BBOX1: variants seen among roughly 807,000 people sequenced by gnomAD.
The protein encoded by BBOX1 is gamma-butyrobetaine dioxygenase.
In BBOX1, 35 loss-of-function variants were observed where a neutral mutation model predicts 41.6. The ratio of observed to expected loss-of-function variants is 0.84; its 90% CI spans 0.64 to 1.11. The LOEUF (loss-of-function observed/expected upper bound fraction) is 1.11, where lower values mean the gene tolerates loss of function less well. Among genes scored for constraint, BBOX1 ranks in the 50% most tolerant of loss-of-function variants. The pLI, the probability that BBOX1 is intolerant of heterozygous loss-of-function variation, is 0.00. For synonymous variants in BBOX1, 163 were observed against 154.7 expected, an observed-to-expected ratio of 1.05 and a Z score of -0.40; for missense variants, 458 against 460.6, an observed-to-expected ratio of 0.99 and a Z score of 0.05.
intron 4 of BBOX1, among the ~76,000 whole-genome samples, chr11:27,076,820 C>A (rs1331914770): frequency 1.2e-4 from 18 of 152,146 alleles, no homozygotes; most frequent in African/African-American, 4.3e-4. Context: ...GCTGTCTCTG[C>A]TGCACTGAAG....
intron 4 of BBOX1, among the ~76,000 whole-genome samples, chr11:27,089,184 A>G (rs1858147864): frequency 3.1e-5 from 1 of 31,922 alleles, no homozygotes; most frequent in Non-Finnish European, 5.9e-5. Context: ...ATGGCTATTT[A>G]TTTAAATTAA....
At position 27,122,053 on chromosome 11, in the gene BBOX1, A is replaced by C. The variant is rs547010511; in HGVS notation, c.836+2208A>C. Among the ~76,000 whole-genome samples the C allele has an allele frequency of 4.6e-5, 7 of 152,308 alleles. No homozygotes were observed. The South Asian group carries it at 1.2e-3, about 27-fold the overall frequency. ...TTTTCAACAACAGGAAATGAAACAG[A>C]GCGTTCTCAGTTAACAGAGGGCCTC... On this transcript the variant is annotated intron_variant, in intron 7 of 8. Coordinates refer to ENST00000263182, the MANE Select transcript of BBOX1 (RefSeq NM_003986.3).
chr11:27,082,094 A>T (rs1857860577), intron 4 of BBOX1, among the ~76,000 whole-genome samples: 1 of 152,110 alleles, frequency 6.6e-6, no homozygotes, highest in Non-Finnish European at 1.5e-5. Flanking sequence ...CACTATTGTG[A>T]GGACAGCACC....
At chr11:27,105,611 T>G (rs1238849387) in intron 5 of BBOX1, among the ~76,000 whole-genome samples, 7 of 152,120 alleles carry the variant, frequency 4.6e-5, no homozygotes, top group Non-Finnish European at 7.4e-5. Flanking sequence ...CCAAATCTAC[T>G]TCTGATTGGG....
chr11:27,077,598 G>A (rs1339593047), intron 4 of BBOX1, among the ~76,000 whole-genome samples: 1 of 132,946 alleles, frequency 7.5e-6, no homozygotes, highest in Non-Finnish European at 1.5e-5. Context: ...TACTAACAAT[G>A]TCTCCAATCC....
chr11:27,123,933 T>C (rs1859554488), intron 7 of BBOX1, among the ~76,000 whole-genome samples: 1 of 152,174 alleles, frequency 6.6e-6, no homozygotes, highest in African/African-American at 2.4e-5. Flanking sequence ...GTTCCTTCCT[T>C]TTACTTCTTT....
At position 27,082,262 on chromosome 11, in the gene BBOX1, A is replaced by G. The variant is rs543405455; in HGVS notation, c.335-10906A>G. On this transcript the variant is annotated intron_variant, in intron 4 of 8. Coordinates refer to ENST00000263182, the MANE Select transcript of BBOX1 (RefSeq NM_003986.3). ...TCTCTATTCTGCAATTCTGGAGCAC[A>G]CAGAATTAGGGTTTAAAAGGTATAT... 7.2e-5 allele frequency among the ~76,000 whole-genome samples: 11 copies of G among 152,232 alleles called. No homozygotes were observed. In the South Asian group the frequency reaches 8.3e-4, roughly 11 times the overall value.
intron 5 of BBOX1, among the ~76,000 whole-genome samples, chr11:27,100,984 A>G (rs16916541): frequency 0.012 from 1,806 of 152,178 alleles, 34 homozygotes; most frequent in African/African-American, 0.04. Flanking sequence ...TATTGAGCTC[A>G]GCAGTTTACA....
chr11:27,117,178 A>G (rs7939156), intron 6 of BBOX1, among the ~76,000 whole-genome samples: 152,015 of 152,070 alleles, frequency 1, 75,980 homozygotes, highest in Non-Finnish European at 1. Flanking sequence ...ATAGAAACCT[A>G]TATCTTCAAA....
chr11:27,111,962 T>A (rs1859083034), intron 5 of BBOX1, among the ~76,000 whole-genome samples: 1 of 151,878 alleles, frequency 6.6e-6, no homozygotes, highest in South Asian at 2.1e-4. Context: ...TGTACAAACA[T>A]CAAAAAAGAA....
chr11:27,043,557 T>C (rs1280840942), intron 2 of BBOX1, among the ~76,000 whole-genome samples: 1 of 149,920 alleles, frequency 6.7e-6, no homozygotes, highest in Non-Finnish European at 1.5e-5. Context: ...TCTTGACTAA[T>C]TGCCCTAGCA....
rs571690541 is a variant in BBOX1, at chr11:27,088,100, T to C, written c.335-5068T>C. Among the ~76,000 whole-genome samples the C allele has an allele frequency of 4.6e-5, 7 of 152,090 alleles. No homozygotes were observed. The South Asian group carries it at 1.0e-3, about 23-fold the overall frequency. ...TATAGGTGAGTGTGTGTGGGTGCTA[T>C]TTTATAATGGAAAAAAAAGCTCATA... On this transcript the variant is annotated intron_variant, in intron 4 of 8. Transcript: ENST00000263182.
chr11:27,075,798 G>A (rs1857612796), intron 4 of BBOX1, among the ~76,000 whole-genome samples: 1 of 152,180 alleles, frequency 6.6e-6, no homozygotes, highest in Non-Finnish European at 1.5e-5. Context: ...TTCCAGAAAG[G>A]CTGCCTATAG....
chr11:27,124,764 C>T (rs761918527), intron 7 of BBOX1, among the ~76,000 whole-genome samples: 10 of 152,150 alleles, frequency 6.6e-5, no homozygotes, highest in Non-Finnish European at 1.3e-4. Flanking sequence ...TCAACTGCCT[C>T]GCCCACCTTG....
chr11:27,119,794 T>C lies in BBOX1; in HGVS notation c.785T>C (p.Ile262Thr), dbSNP rs150426701. 1 of 1,591,034 alleles carries C rather than the reference T, an allele frequency of 6.3e-7. No individual in the cohort carries two copies. Residue 262 changes from isoleucine (I) to threonine (T), a missense_variant, in exon 7 of 9, where the codon ATT becomes ACT. Physicochemically the swap from Ile to Thr is moderately conservative, Grantham distance 89. Coordinates refer to ENST00000263182, the MANE Select transcript of BBOX1 (RefSeq NM_003986.3). ...TCTACCTTTGTGGACTTTACAGACA[T>C]TGGAGTGGATTACTGTGATTTTTCT... ...LSSTFVDFTD[I>T]GVDYCDFSVQ...
At chr11:27,094,358 C>T (rs1858360068) in intron 5 of BBOX1, among the ~76,000 whole-genome samples, 1 of 151,904 alleles carries the variant, frequency 6.6e-6, no homozygotes, top group African/African-American at 2.4e-5. Flanking sequence ...TGAAAGGGAC[C>T]TTCCAACTCC....
chr11:27,085,974 C>T, intron 4 of BBOX1, among the ~76,000 whole-genome samples: 1 of 152,232 alleles, frequency 6.6e-6, no homozygotes, highest in East Asian at 1.9e-4. Flanking sequence ...TAATTCAGAG[C>T]AAGGCCCTAA....
At chr11:27,107,377 C>A (rs1343114517) in intron 5 of BBOX1, among the ~76,000 whole-genome samples, 1 of 151,836 alleles carries the variant, frequency 6.6e-6, no homozygotes, top group Non-Finnish European at 1.5e-5. Context: ...GAGAATGACA[C>A]AAATGGCTCA....
At chr11:27,076,916 A>C (rs1214210708) in intron 4 of BBOX1, among the ~76,000 whole-genome samples, 1 of 152,126 alleles carries the variant, frequency 6.6e-6, no homozygotes, top group Non-Finnish European at 1.5e-5. Flanking sequence ...TCAGACTTGC[A>C]GTGCTCTCCA....
Sources: allele counts gnomAD v4.1 joint callset (sites outside exome capture counted in the v4.1 genomes callset), GRCh38; gene constraint gnomAD v4.1.1; transcripts MANE v1.5; gene names NCBI Gene and HGNC (gene_info 2026-07-23, HGNC 2026-07-21).